Variants in TOP1MT observed in about 807,000 individuals in gnomAD.
The protein encoded by TOP1MT is DNA topoisomerase I, mitochondrial.
In TOP1MT, 80 loss-of-function variants were observed where a neutral mutation model predicts 73.9. The observed-to-expected ratio is 1.08, with a 90% CI of 0.90 to 1.30. The LOEUF (loss-of-function observed/expected upper bound fraction) is 1.30. TOP1MT is among the 50% of genes most tolerant of loss of function. The pLI is 0.00. For synonymous variants in TOP1MT, 338 were observed against 326.4 expected, an observed-to-expected ratio of 1.04 and a Z score of -0.38; for missense variants, 815 against 808.0, an observed-to-expected ratio of 1.01 and a Z score of -0.10.
At chr8:143,321,964 A>G (rs1391858238) in intron 7 of TOP1MT, among the ~76,000 whole-genome samples, 723 of 65,746 alleles carry the variant, frequency 0.011, 3 homozygotes, top group East Asian at 0.021. Context: ...CACGCCACAC[A>G]CATGCTCACC....
intron 1 of TOP1MT, chr8:143,355,183 A>C (rs1340565474): frequency 6.6e-6 from 1 of 152,236 alleles, no homozygotes; most frequent in Non-Finnish European, 1.5e-5. Flanking sequence ...CAGGTACCGG[A>C]AACCAGCAAA....
rs200616739 is a variant in TOP1MT at position 143,321,214 on chromosome 8, G to A, written c.1133C>T (p.Pro378Leu). ...GAGGGCACTCACCGGCTTCTCCACC[G>A]GCACTCTGTTGTAGTAGCGGATGCA... is the stretch of plus-strand genomic sequence containing the variant. Reference protein sequence around the residue: ...KDCIRYYNRVPVEKPVYKNLQ... With the variant: ...KDCIRYYNRVLVEKPVYKNLQ... The change falls in exon 8 of 14, where the codon CCG becomes CTG. Residue 378 changes from proline to leucine, a missense_variant. Pro to Leu is a moderately conservative substitution (Grantham distance 98). Coordinates refer to ENST00000329245, the MANE Select transcript of TOP1MT (RefSeq NM_052963.3). The A allele has an allele frequency of 2.0e-4, 315 of 1,598,296 alleles. 1 individual carries two copies. Among genetic ancestry groups the A allele is most frequent in the South Asian group, 2.8e-4 (25 of 90,066 alleles).
chr8:143,327,186 G>T (rs1816732190), intron 3 of TOP1MT: 1 of 152,318 alleles, frequency 6.6e-6, no homozygotes. Flanking sequence ...ATCTACCCGT[G>T]TGGAGACTAA....
chr8:143,322,089 T>C (rs62644305), intron 7 of TOP1MT, among the ~76,000 whole-genome samples: 10 of 45,462 alleles, frequency 2.2e-4, no homozygotes, highest in African/African-American at 6.2e-4. Flanking sequence ...CACACAGGCA[T>C]GCCAAACACG....
rs536426359 is a variant in TOP1MT at position 143,329,565 on chromosome 8, C to T, written c.239-94G>A. 7.8e-5 allele frequency: 112 copies of T among 1,439,320 alleles called. 2 individuals carry two copies. The highest frequency in any genetic ancestry group is 5.6e-4 in the Admixed American group (23 of 41,296). The allele number at this position is 1,439,320 out of a possible 1,614,324, so 89.2% of individuals were successfully genotyped here. ...CATTGCTTTAAACTACGCTTTCGTG[C>T]GTACTATGCCAAGAGCAAGAAGCTA... is the stretch of plus-strand genomic sequence containing the variant. On this transcript the variant is annotated intron_variant, in intron 2 of 13. Coordinates refer to ENST00000329245, the MANE Select transcript of TOP1MT (RefSeq NM_052963.3).
intron 1 of TOP1MT, among the ~76,000 whole-genome samples, chr8:143,354,852 C>T (rs184892515): frequency 3.2e-4 from 48 of 151,626 alleles, no homozygotes; most frequent in African/African-American, 1.2e-3. Context: ...TCAGACCACA[C>T]TTAAGGACAG....
At chr8:143,323,700 A>G (rs1231761174) in intron 7 of TOP1MT, among the ~76,000 whole-genome samples, 1 of 65,242 alleles carries the variant, frequency 1.5e-5, no homozygotes, top group African/African-American at 4.7e-5. Context: ...CCACACACAC[A>G]GGCACACCAC....
intron 10 of TOP1MT, among the ~76,000 whole-genome samples, chr8:143,316,966 C>T (rs987239856): frequency 2.6e-5 from 4 of 152,234 alleles, no homozygotes; most frequent in Admixed American, 1.3e-4. Flanking sequence ...CCTCCGCATC[C>T]CACAGCCCCA....
rs748963054 is a variant in TOP1MT at position 143,317,756 on chromosome 8, T to C, written c.1297A>G (p.Thr433Ala). The C allele has an allele frequency of 9.3e-6, 15 of 1,613,944 alleles. No individual in the cohort carries two copies. Among genetic ancestry groups the C allele is most frequent in the Middle Eastern group, 1.7e-4 (1 of 6,052 alleles). The change falls in exon 10 of 14, where the codon ACT (threonine) becomes GCT (alanine). Residue 433 changes from threonine (T) to alanine (A), a missense_variant. Physicochemically the swap from Thr to Ala is moderately conservative, Grantham distance 58. This residue lies in a region of TOP1MT where 751 missense variants were observed against 725.4 expected (regional missense o/e 1.04). Transcript: ENST00000329245. ...KVFRTYNASI[T>A]LQEQLRALTR... ...AGGGCCCGCAGCTGCTCCTGCAGAGTGATGGAGGCGTTGTAGGTCCGGAAC... is the reference window on the plus strand; with the variant it reads ...AGGGCCCGCAGCTGCTCCTGCAGAGCGATGGAGGCGTTGTAGGTCCGGAAC...
chr8:143,329,886 C>T (rs1271876653), intron 2 of TOP1MT, among the ~76,000 whole-genome samples: 2 of 152,142 alleles, frequency 1.3e-5, no homozygotes, highest in Non-Finnish European at 1.5e-5. Flanking sequence ...TACAACTCTG[C>T]GGCCTCTGTC....
chr8:143,324,432 G>A (rs567298741), intron 6 of TOP1MT, 53 bp downstream of exon 6: 277 of 1,610,684 alleles, frequency 1.7e-4, no homozygotes, highest in Non-Finnish European at 2.1e-4. Context: ...CCCTGCCGGC[G>A]TCCTCAGGGG....
intron 8 of TOP1MT, 125 bp downstream of exon 8, chr8:143,321,076 G>A: frequency 4.1e-6 from 4 of 978,076 alleles, no homozygotes; most frequent in Non-Finnish European, 6.0e-6. Flanking sequence ...CGGCACAGCA[G>A]GCCTCACCCA....
chr8:143,321,894 G>T (rs1374159741), intron 7 of TOP1MT, among the ~76,000 whole-genome samples: 22 of 29,052 alleles, frequency 7.6e-4, no homozygotes, highest in East Asian at 1.7e-3. Flanking sequence ...GCCACACACA[G>T]GCACGCCACA....
intron 7 of TOP1MT, among the ~76,000 whole-genome samples, chr8:143,322,669 A>ACACACGCATGCCACACACGCACGC (rs1816505115): frequency 1.2e-5 from 1 of 82,006 alleles, no homozygotes. Flanking sequence ...CACGCACGCC[A>ACACACGCATGCCACACACGCACGC]CACACGCACG....
At chr8:143,334,533 G>A (rs1563768059) in intron 1 of TOP1MT, among the ~76,000 whole-genome samples, 4 of 152,250 alleles carry the variant, frequency 2.6e-5, no homozygotes, top group Admixed American at 2.0e-4. Context: ...GGTGCCTGGG[G>A]AAGCAAGGGC....
upstream of TOP1MT, among the ~76,000 whole-genome samples, chr8:143,339,521 A>G (rs1350655737): frequency 6.6e-6 from 1 of 152,166 alleles, no homozygotes; most frequent in Non-Finnish European, 1.5e-5. Context: ...ACTGACCAAA[A>G]GCAATGCCAG....
chr8:143,335,840 G>A (rs1486929676), upstream of TOP1MT, among the ~76,000 whole-genome samples: 1 of 152,268 alleles, frequency 6.6e-6, no homozygotes, highest in Non-Finnish European at 1.5e-5. Flanking sequence ...AACTGACTCA[G>A]TGTCCATGTC....
chr8:143,322,020 C>A (rs1308378361), intron 7 of TOP1MT, among the ~76,000 whole-genome samples: 5 of 68,918 alleles, frequency 7.3e-5, no homozygotes, highest in Non-Finnish European at 8.7e-5. Flanking sequence ...CACGCCACAC[C>A]CACAGGCACG....
intron 2 of TOP1MT, among the ~76,000 whole-genome samples, chr8:143,342,439 A>G (rs1281710414): frequency 7.2e-6 from 1 of 138,258 alleles, no homozygotes; most frequent in African/African-American, 3.0e-5. Flanking sequence ...TGTTATTATT[A>G]TTATTATTAG....
Sources: allele counts gnomAD v4.1 joint callset (sites outside exome capture counted in the v4.1 genomes callset), GRCh38; gene constraint gnomAD v4.1.1; regional missense constraint gnomAD v4.1.1; transcripts MANE v1.5; gene names NCBI Gene and HGNC (gene_info 2026-07-23, HGNC 2026-07-21).